The following FHIT variants were observed in gnomAD, a reference collection of about 807,000 sequenced individuals.
The protein encoded by FHIT is bis(5'-adenosyl)-triphosphatase.
In FHIT, 19 loss-of-function variants were observed where a neutral mutation model predicts 17.9. The ratio of observed to expected loss-of-function variants is 1.06; its 90% CI spans 0.74 to 1.56. The LOEUF (loss-of-function observed/expected upper bound fraction) is 1.56. FHIT is among the 40% of genes most tolerant of loss of function. The pLI is 0.00. For synonymous variants in FHIT, 81 were observed against 69.7 expected (o/e 1.16, Z -0.81); for missense variants, 248 against 189.2 (o/e 1.31, Z -1.82).
At chr3:61,170,762 C>T (rs770703468) in intron 2 of FHIT, among the ~76,000 whole-genome samples, 13 of 151,996 alleles carry the variant, frequency 8.6e-5, no homozygotes, top group Non-Finnish European at 1.9e-4. Flanking sequence ...TTTTCTTTAC[C>T]CAGTCTATCA....
rs933875430 is a variant in FHIT, at chr3:59,991,894, A to T, written c.279+19477T>A. Among the ~76,000 whole-genome samples the T allele has an allele frequency of 4.3e-4, 66 of 152,176 alleles. 1 individual carries two copies. The highest frequency in any genetic ancestry group is 1.4e-3 in the African/African-American group (60 of 41,564). ...GAGTCTTGAGTCCCTGGATCAAGCC[A>T]TACCTGAAGTCAGAAACTTCCCTTG... On this transcript the variant is annotated intron_variant, in intron 7 of 9. Coordinates refer to ENST00000492590, the MANE Select transcript of FHIT (RefSeq NM_002012.4).
chr3:59,899,210 C>T (rs1052169248), intron 8 of FHIT, among the ~76,000 whole-genome samples: 1 of 152,198 alleles, frequency 6.6e-6, no homozygotes, highest in African/African-American at 2.4e-5. Flanking sequence ...ACATTACCTC[C>T]AGGGTCACAT....
intron 4 of FHIT, among the ~76,000 whole-genome samples, chr3:60,741,883 G>T (rs1385854997): frequency 6.6e-6 from 1 of 152,188 alleles, no homozygotes; most frequent in African/African-American, 2.4e-5. Flanking sequence ...TGTTTTCCAA[G>T]TCTGACTGTA....
rs1540264 is a variant in FHIT, at chr3:60,601,928, T to A, written c.-17-64949A>T. Reference sequence around the variant, plus strand: ...TTAATTAATTCATTAGAAACAGAAATAGAAAAAGTCAAAGCTGAAAACTAA... The same window carrying A: ...TTAATTAATTCATTAGAAACAGAAAAAGAAAAAGTCAAAGCTGAAAACTAA... On this transcript the variant is annotated intron_variant, in intron 4 of 9. Transcript: ENST00000492590. Among the ~76,000 whole-genome samples, 266 of 79,392 alleles carry A rather than the reference T, an allele frequency of 3.4e-3. 1 individual carries two copies. Among genetic ancestry groups the A allele is most frequent in the Admixed American group, 8.1e-3 (41 of 5,042 alleles). The allele number at this position is 79,392 out of a possible 152,430, so 52.1% of individuals were successfully genotyped here. A position where few individuals can be genotyped will look rare whatever the true frequency, so the allele number is the denominator to read the frequency against.
intron 4 of FHIT, among the ~76,000 whole-genome samples, chr3:60,640,962 C>T (rs766753081): frequency 2.6e-4 from 39 of 152,090 alleles, no homozygotes; most frequent in Non-Finnish European, 4.9e-4. Flanking sequence ...GGAGGATCAC[C>T]TGAGGTCAGG....
chr3:60,501,185 T>C (rs1183175221), intron 5 of FHIT, among the ~76,000 whole-genome samples: 1 of 152,160 alleles, frequency 6.6e-6, no homozygotes, highest in Non-Finnish European at 1.5e-5. Flanking sequence ...TGAGAAACCA[T>C]TTCTCACCAA....
chr3:60,151,291 A>C (rs1559679191), intron 5 of FHIT, among the ~76,000 whole-genome samples: 1 of 152,176 alleles, frequency 6.6e-6, no homozygotes, highest in African/African-American at 2.4e-5. Context: ...ATCAGTTTAC[A>C]TTCCTGAATA....
intron 5 of FHIT, among the ~76,000 whole-genome samples, chr3:60,146,779 T>C (rs1447689547): frequency 3.3e-5 from 5 of 152,138 alleles, no homozygotes; most frequent in African/African-American, 1.2e-4. Context: ...GTTTACTCCA[T>C]TTCTGGGTGT....
intron 3 of FHIT, among the ~76,000 whole-genome samples, chr3:60,927,431 C>A (rs1010175571): frequency 1.3e-5 from 2 of 152,186 alleles, no homozygotes; most frequent in African/African-American, 4.8e-5. Flanking sequence ...AGGAGCATCT[C>A]TGCCCAGCCG....
intron 3 of FHIT, among the ~76,000 whole-genome samples, chr3:60,988,139 A>G (rs1395066263): frequency 6.6e-6 from 1 of 152,230 alleles, no homozygotes; most frequent in Non-Finnish European, 1.5e-5. Context: ...TTGAGATGCT[A>G]TTAAATCTTA....
chr3:60,966,330 CG>C (rs1235057562), intron 3 of FHIT, among the ~76,000 whole-genome samples: 1 of 152,172 alleles, frequency 6.6e-6, no homozygotes, highest in Non-Finnish European at 1.5e-5. Flanking sequence ...TTCCAGGTAC[CG>C]TCTCTCACGG....
At chr3:60,255,233 T>C (rs1705927788) in intron 5 of FHIT, among the ~76,000 whole-genome samples, 1 of 152,194 alleles carries the variant, frequency 6.6e-6, no homozygotes, top group African/African-American at 2.4e-5. Flanking sequence ...TGTAAACAAC[T>C]CTATCACACC....
chr3:59,863,712 T>C (rs796562410), intron 8 of FHIT, among the ~76,000 whole-genome samples: 4 of 152,310 alleles, frequency 2.6e-5, no homozygotes, highest in African/African-American at 9.6e-5. Flanking sequence ...TAGCTAAGGG[T>C]CTGTTCTTCT....
chr3:60,287,695 G>C (rs1559791311), intron 5 of FHIT, among the ~76,000 whole-genome samples: 1 of 152,092 alleles, frequency 6.6e-6, no homozygotes, highest in Non-Finnish European at 1.5e-5. Flanking sequence ...TGTGCATATA[G>C]CATGAGAGGA....
At chr3:61,208,307 G>C (rs1287317786) in intron 1 of FHIT, among the ~76,000 whole-genome samples, 1 of 152,062 alleles carries the variant, frequency 6.6e-6, no homozygotes, top group Non-Finnish European at 1.5e-5. Flanking sequence ...ATGGGGTGGA[G>C]AGTTCTCTAG....
At chr3:59,947,382 T>A (rs541550897) in intron 7 of FHIT, among the ~76,000 whole-genome samples, 2 of 152,176 alleles carry the variant, frequency 1.3e-5, no homozygotes, top group African/African-American at 4.8e-5. Flanking sequence ...TTTCTAACTT[T>A]GTTTATTTGA....
At chr3:59,915,615 C>T (rs144005850) in intron 8 of FHIT, among the ~76,000 whole-genome samples, 2 of 152,320 alleles carry the variant, frequency 1.3e-5, no homozygotes, top group Non-Finnish European at 2.9e-5. Flanking sequence ...CATTATAGCC[C>T]TCCATGCTTC....
intron 3 of FHIT, among the ~76,000 whole-genome samples, chr3:60,912,349 T>C (rs1706789764): frequency 6.6e-6 from 1 of 152,114 alleles, no homozygotes. Context: ...GGCTTACTCA[T>C]TGAGTAACCT....
At chr3:60,782,779 G>C (rs1700437132) in intron 4 of FHIT, among the ~76,000 whole-genome samples, 1 of 152,122 alleles carries the variant, frequency 6.6e-6, no homozygotes, top group East Asian at 1.9e-4. Context: ...TAAGTGTCTG[G>C]TGAAGTCTTG....
Sources: allele counts gnomAD v4.1 joint callset (sites outside exome capture counted in the v4.1 genomes callset), GRCh38; gene constraint gnomAD v4.1.1; transcripts MANE v1.5; gene names NCBI Gene and HGNC (gene_info 2026-07-23, HGNC 2026-07-21).